PARD3: variants seen among roughly 807,000 people sequenced by gnomAD.
The protein encoded by PARD3 is par-3 family cell polarity regulator, also known as partitioning defective 3 homolog.
A neutral mutation model predicts 155.4 loss-of-function variants in PARD3; 75 were observed. The observed-to-expected ratio is 0.48, with a 90% CI of 0.40 to 0.58. The LOEUF (loss-of-function observed/expected upper bound fraction) is 0.58. Ranked by LOEUF, PARD3 falls within the 20% of genes least tolerant of loss-of-function variation. The probability of loss-of-function intolerance (pLI) is 0.00; values close to 1 mark genes in which losing one functional copy is unlikely to be tolerated. For missense variants in PARD3, 1,642 were observed against 1,721.7 expected, an observed-to-expected ratio of 0.95 and a Z score of 0.82; for synonymous variants, 576 against 610.5, an observed-to-expected ratio of 0.94 and a Z score of 0.83.
intron 7 of PARD3, among the ~76,000 whole-genome samples, chr10:34,390,825 G>T (rs966733677): frequency 3.9e-5 from 6 of 152,130 alleles, no homozygotes; most frequent in Middle Eastern, 3.4e-3. Context: ...AGTTTTTTTT[G>T]TGTGTGTACA....
At chr10:34,232,015 C>T (rs1444644366) in intron 22 of PARD3, among the ~76,000 whole-genome samples, 1 of 152,084 alleles carries the variant, frequency 6.6e-6, no homozygotes, top group Non-Finnish European at 1.5e-5. Flanking sequence ...CCGAAACACT[C>T]AGCGCTATGT....
intron 22 of PARD3, among the ~76,000 whole-genome samples, chr10:34,139,929 T>A (rs963417200): frequency 1.3e-5 from 2 of 152,228 alleles, no homozygotes; most frequent in African/African-American, 4.8e-5. Context: ...CCCACTTAGA[T>A]ATTTTTCTAT....
intron 19 of PARD3, among the ~76,000 whole-genome samples, chr10:34,330,180 G>C (rs1179178729): frequency 1.3e-5 from 2 of 152,088 alleles, no homozygotes; most frequent in Non-Finnish European, 2.9e-5. Flanking sequence ...GTAGTTATGA[G>C]CAATATAAGA....
At chr10:34,429,553 A>AGTTTTGTTTTGTTTTGTTTT (rs58220151) in intron 5 of PARD3, among the ~76,000 whole-genome samples, 1 of 145,126 alleles carries the variant, frequency 6.9e-6, no homozygotes, top group Non-Finnish European at 1.5e-5. Context: ...ACTCTAACTC[A>AGTTTTGTTTTGTTTTGTTTT]GTTTTGTTTT....
intron 22 of PARD3, among the ~76,000 whole-genome samples, chr10:34,202,643 C>A (rs914564688): frequency 1.2e-4 from 18 of 152,240 alleles, no homozygotes; most frequent in African/African-American, 4.3e-4. Context: ...ATAAAACATT[C>A]TCTTCCTTTT....
chr10:34,389,400 T>C (rs1842669624), intron 7 of PARD3, among the ~76,000 whole-genome samples: 1 of 152,184 alleles, frequency 6.6e-6, no homozygotes, highest in South Asian at 2.1e-4. Flanking sequence ...ACAAGGTTCA[T>C]TAGCCTAATT....
At chr10:34,741,692 T>A (rs1019659057) in intron 1 of PARD3, among the ~76,000 whole-genome samples, 1 of 152,174 alleles carries the variant, frequency 6.6e-6, no homozygotes, top group Non-Finnish European at 1.5e-5. Flanking sequence ...GCCACTGTGA[T>A]ACCTGCTTCT....
chr10:34,590,425 G>C (rs1320867564), intron 2 of PARD3, among the ~76,000 whole-genome samples: 1 of 152,186 alleles, frequency 6.6e-6, no homozygotes, highest in African/African-American at 2.4e-5. Flanking sequence ...AAAGGACAGA[G>C]AAAAGACATA....
At chr10:34,761,840 T>G (rs1490054540) in intron 1 of PARD3, among the ~76,000 whole-genome samples, 2 of 152,110 alleles carry the variant, frequency 1.3e-5, no homozygotes, top group Admixed American at 1.3e-4. Context: ...ACCAAAAAAA[T>G]TATGTATATC....
intron 2 of PARD3, among the ~76,000 whole-genome samples, chr10:34,600,962 A>ATTTTTTTTTT (rs1028271994): frequency 3.3e-5 from 3 of 90,100 alleles, no homozygotes; most frequent in Admixed American, 1.4e-4. Context: ...CATTTTTTTA[A>ATTTTTTTTTT]TTTTTTTTTT....
At chr10:34,270,950 T>C (rs1005502900) in intron 21 of PARD3, among the ~76,000 whole-genome samples, 1 of 152,232 alleles carries the variant, frequency 6.6e-6, no homozygotes, top group Non-Finnish European at 1.5e-5. Flanking sequence ...TATATTGATA[T>C]AATTTATGTC....
At chr10:34,696,148 G>A (rs2094167460) in intron 2 of PARD3, among the ~76,000 whole-genome samples, 170 bp downstream of exon 2, 1 of 152,004 alleles carries the variant, frequency 6.6e-6, no homozygotes, top group Non-Finnish European at 1.5e-5. Context: ...TGGTATTCAG[G>A]ACAGTGAAGA....
chr10:34,170,122 C>G (rs113361654), intron 22 of PARD3, among the ~76,000 whole-genome samples: 15 of 152,324 alleles, frequency 9.8e-5, no homozygotes, highest in African/African-American at 3.4e-4. Flanking sequence ...GGGTCTCACT[C>G]TGTTGTCCAG....
intron 5 of PARD3, among the ~76,000 whole-genome samples, chr10:34,449,012 G>A (rs1165939220): frequency 2.0e-5 from 3 of 148,694 alleles, no homozygotes; most frequent in African/African-American, 5.0e-5. Flanking sequence ...TCTGCCTCCC[G>A]GGTTCACGCC....
chr10:34,254,232 T>C (rs968136549), intron 22 of PARD3, among the ~76,000 whole-genome samples: 6 of 151,836 alleles, frequency 4.0e-5, no homozygotes, highest in Non-Finnish European at 8.8e-5. Flanking sequence ...ATACAAAAAT[T>C]AGCTGGGCAT....
rs564413627 is a variant in PARD3 at position 34,736,330 on chromosome 10, C to CT, written c.121-39912dup. Among the ~76,000 whole-genome samples, 785 of 128,410 alleles carry CT rather than the reference C, an allele frequency of 6.1e-3. 13 individuals carry two copies. Among genetic ancestry groups the CT allele is most frequent in the African/African-American group, 0.017 (592 of 35,184 alleles). 84.2% of individuals were successfully genotyped at this position (128,410 alleles called of 152,430 possible). On this transcript the variant is annotated intron_variant, in intron 1 of 24. Transcript: ENST00000374788. ...TAGGCGTGAGCCACTGCGCCTGGCCCTTTTTTTTTTTTTTTGGTGATAGGG... is the reference window on the plus strand; with the variant it reads ...TAGGCGTGAGCCACTGCGCCTGGCCCTTTTTTTTTTTTTTTTGGTGATAGGG...
At chr10:34,455,822 C>T (rs563948242) in intron 4 of PARD3, among the ~76,000 whole-genome samples, 1 of 152,196 alleles carries the variant, frequency 6.6e-6, no homozygotes, top group East Asian at 1.9e-4. Flanking sequence ...AATGAACCAA[C>T]TAAAAAGCAA....
At chr10:34,745,456 AAG>A (rs879828433) in intron 1 of PARD3, among the ~76,000 whole-genome samples, 5 of 140,068 alleles carry the variant, frequency 3.6e-5, no homozygotes, top group African/African-American at 5.2e-5. Flanking sequence ...AAGAGAGAGA[AAG>A]AGAGAGGGAA....
intron 22 of PARD3, among the ~76,000 whole-genome samples, chr10:34,241,208 A>G (rs1206621748): frequency 3.3e-5 from 5 of 152,206 alleles, no homozygotes; most frequent in Non-Finnish European, 7.3e-5. Context: ...AGACCATGCT[A>G]AAGAGGAAAC....
Sources: allele counts gnomAD v4.1 joint callset (sites outside exome capture counted in the v4.1 genomes callset), GRCh38; gene constraint gnomAD v4.1.1; transcripts MANE v1.5; gene names NCBI Gene and HGNC (gene_info 2026-07-23, HGNC 2026-07-21).